The following MED15 variants were observed in gnomAD, a reference collection of about 807,000 sequenced individuals.
The protein encoded by MED15 is mediator complex subunit 15, also known as mediator of RNA polymerase II transcription subunit 15.
A neutral mutation model predicts 118.7 loss-of-function variants in MED15; 41 were observed. The ratio of observed to expected loss-of-function variants is 0.35; its 90% CI spans 0.27 to 0.45. The LOEUF (loss-of-function observed/expected upper bound fraction) is 0.45. MED15 is among the 20% of genes least tolerant of loss of function. The pLI is 1.00. For missense variants in MED15, 740 were observed against 1,025.5 expected, an observed-to-expected ratio of 0.72 and a Z score of 3.80; for synonymous variants, 436 against 413.9, an observed-to-expected ratio of 1.05 and a Z score of -0.65.
chr22:20,548,764 C>T (rs941177610), intron 2 of MED15, among the ~76,000 whole-genome samples: 2 of 152,164 alleles, frequency 1.3e-5, no homozygotes, highest in Admixed American at 6.5e-5. Flanking sequence ...TTGTGAGGCA[C>T]TTGTGCAAGA....
Position 20,579,835 on chromosome 22 carries a change from C to G in MED15, c.1273-2776C>G, listed in dbSNP as rs181901603. 2.9e-3 allele frequency among the ~76,000 whole-genome samples: 435 copies of G among 152,274 alleles called. 3 individuals carry two copies. Among genetic ancestry groups the G allele is most frequent in the Non-Finnish European group, 4.7e-3 (321 of 68,016 alleles). ...CTCCCTGTTCCCAACCTGTGACACA[C>G]AGGTGACAGGTGGTGTGCACTCAGA... On this transcript the variant is annotated intron_variant, in intron 9 of 17. Transcript: ENST00000263205.
chr22:20,567,959 C>T (rs1269979339), intron 7 of MED15, among the ~76,000 whole-genome samples: 1 of 152,174 alleles, frequency 6.6e-6, no homozygotes, highest in Non-Finnish European at 1.5e-5. Flanking sequence ...CCCACCTCAG[C>T]CTCCCAAGTA....
Position 20,583,391 on chromosome 22 carries a change from G to A in MED15, c.1734G>A (p.Lys578=). The A allele has an allele frequency of 6.2e-7, 1 of 1,611,740 alleles. No homozygotes were observed. The highest frequency in any genetic ancestry group is 8.5e-7 in the Non-Finnish European group (1 of 1,180,014). Residue 578 remains lysine, a splice_region_variant and synonymous_variant, in exon 13 of 18, where the codon AAG becomes AAA. Transcript: ENST00000263205. ...SLLDILTDPS[K]RCPLKTLQKC... is the part of the protein sequence containing the mutation. The stretch of plus-strand genomic sequence containing the variant: ...TGGACATTCTGACAGACCCCTCGAA[G>A]CGGTGAGCTTTGCCCACAGCCCACG...
At chr22:20,526,557 A>G (rs2054652970) in intron 1 of MED15, among the ~76,000 whole-genome samples, 1 of 152,062 alleles carries the variant, frequency 6.6e-6, no homozygotes, top group Non-Finnish European at 1.5e-5. Context: ...ATTGCTTGTT[A>G]TTTTTTTCCT....
intron 1 of MED15, among the ~76,000 whole-genome samples, chr22:20,527,771 A>G (rs960823687): frequency 6.6e-6 from 1 of 152,066 alleles, no homozygotes; most frequent in Non-Finnish European, 1.5e-5. Context: ...TAGCCTGGTC[A>G]ATATGGTGAA....
chr22:20,573,950 G>T (rs2056746525), intron 8 of MED15: 1 of 152,252 alleles, frequency 6.6e-6, no homozygotes, highest in Non-Finnish European at 1.5e-5. Flanking sequence ...GGAGGAACGA[G>T]TGAGCTTCTG....
chr22:20,512,169 T>A (rs1303709841), intron 1 of MED15, among the ~76,000 whole-genome samples: 2 of 151,748 alleles, frequency 1.3e-5, no homozygotes, highest in Non-Finnish European at 2.9e-5. Flanking sequence ...TTATATTTTT[T>A]GTAGAGATGA....
At chr22:20,565,521 C>T (rs1038355584) in intron 6 of MED15, among the ~76,000 whole-genome samples, 1 of 152,188 alleles carries the variant, frequency 6.6e-6, no homozygotes, top group Non-Finnish European at 1.5e-5. Flanking sequence ...AGAGTCTAGA[C>T]GTGTTAAACA....
At chr22:20,537,988 G>C (rs150250096) in intron 2 of MED15, among the ~76,000 whole-genome samples, 2 of 152,306 alleles carry the variant, frequency 1.3e-5, no homozygotes, top group African/African-American at 4.8e-5. Flanking sequence ...CTACGGATAC[G>C]TTTGATAAGC....
intron 5 of MED15, among the ~76,000 whole-genome samples, chr22:20,560,028 T>C (rs1444473514): frequency 6.6e-6 from 1 of 152,108 alleles, no homozygotes; most frequent in Non-Finnish European, 1.5e-5. Context: ...TTTTGGGATG[T>C]CACTACTGTG....
intron 15 of MED15, 28 bp from the exon 16 acceptor site, chr22:20,585,073 A>C (rs778785678): frequency 6.2e-7 from 1 of 1,613,364 alleles, no homozygotes; most frequent in East Asian, 2.2e-5. Flanking sequence ...CGCGTGTGCC[A>C]GGTGTGGTCA....
Position 20,586,937 on chromosome 22 carries a change from C to A in MED15, c.*233C>A. Reference sequence around the variant, plus strand: ...TGGCCGACTTCTTAGAGAAGGCCCTCCATGTGACTTCCTCCCAGGAGCCAG... The same window carrying A: ...TGGCCGACTTCTTAGAGAAGGCCCTACATGTGACTTCCTCCCAGGAGCCAG... On this transcript the variant is annotated 3_prime_UTR_variant, in exon 18 of 18. Transcript: ENST00000263205. The A allele has an allele frequency of 1.7e-6, 1 of 604,216 alleles. No individual in the cohort carries two copies. The highest frequency in any genetic ancestry group is 2.8e-6 in the Non-Finnish European group (1 of 351,412). 37.4% of individuals were successfully genotyped at this position (604,216 alleles called of 1,614,324 possible).
At chr22:20,542,552 C>G (rs2055353787) in intron 2 of MED15, among the ~76,000 whole-genome samples, 1 of 152,180 alleles carries the variant, frequency 6.6e-6, no homozygotes. Flanking sequence ...GCTGCCATAA[C>G]AAGTTACCAT....
chr22:20,511,414 C>G (rs750641998), intron 1 of MED15, among the ~76,000 whole-genome samples: 5 of 151,790 alleles, frequency 3.3e-5, no homozygotes, highest in Non-Finnish European at 7.4e-5. Context: ...ATCGCTTGAG[C>G]CTGGGAGGTC....
At position 20,536,908 on chromosome 22, in the gene MED15, T is replaced by C. The variant is rs565912841; in HGVS notation, c.69-209T>C. Among the ~76,000 whole-genome samples, 6 of 152,296 alleles carry C rather than the reference T, an allele frequency of 3.9e-5. No individual in the cohort carries two copies. The South Asian group carries it at 1.2e-3, about 32-fold the overall frequency. ...TCATGGCGACCACCTTTCCTGTCCC[T>C]TTTTTCTGATCACCCTGCTCAGTGG... On this transcript the variant is annotated intron_variant, in intron 1 of 17. Transcript: ENST00000263205.
chr22:20,564,764 G>A, intron 6 of MED15, 76 bp downstream of exon 6: 2 of 1,597,432 alleles, frequency 1.3e-6, no homozygotes, highest in South Asian at 1.1e-5. Flanking sequence ...CCACAATGCT[G>A]GGTGCAGTGC....
intron 6 of MED15, among the ~76,000 whole-genome samples, chr22:20,565,380 G>T (rs1338821405): frequency 3.3e-5 from 5 of 152,194 alleles, no homozygotes; most frequent in Non-Finnish European, 7.3e-5. Context: ...TGTGCCTCCT[G>T]TTTACCTCTG....
At chr22:20,520,255 T>C (rs768253224) in intron 1 of MED15, among the ~76,000 whole-genome samples, 2 of 152,234 alleles carry the variant, frequency 1.3e-5, no homozygotes, top group Non-Finnish European at 2.9e-5. Context: ...ACGTGCCCGC[T>C]GCCCTTCTCT....
In MED15 at chr22:20,570,759, T is replaced by C. The variant is rs1430596948; in HGVS notation, c.1152+2128T>C. Among the ~76,000 whole-genome samples, 8 of 114,946 alleles carry C rather than the reference T, an allele frequency of 7.0e-5. No individual in the cohort carries two copies. In the East Asian group the frequency reaches 7.2e-4, roughly 10 times the overall value. The allele number at this position is 114,946 out of a possible 152,430, so 75.4% of individuals were successfully genotyped here. On this transcript the variant is annotated intron_variant, in intron 8 of 17. Transcript: ENST00000263205. ...CTTTCTTTCTTTCTTTTTTTTTTTTTTTTTTTTTTTTTTTTTTGACAGAGT... is the reference window on the plus strand; with the variant it reads ...CTTTCTTTCTTTCTTTTTTTTTTTTCTTTTTTTTTTTTTTTTTGACAGAGT...
Sources: allele counts gnomAD v4.1 joint callset (sites outside exome capture counted in the v4.1 genomes callset), GRCh38; gene constraint gnomAD v4.1.1; transcripts MANE v1.5; gene names NCBI Gene and HGNC (gene_info 2026-07-23, HGNC 2026-07-21).